Variants in EPB41L2 observed in about 807,000 individuals in gnomAD.
The protein encoded by EPB41L2 is band 4.1-like protein 2.
In EPB41L2, 43 loss-of-function variants were observed where a neutral mutation model predicts 113.0. That is an observed-to-expected ratio of 0.38 (90% CI 0.30 to 0.49). EPB41L2 has a LOEUF of 0.49. EPB41L2 is among the 20% of genes least tolerant of loss of function. The pLI is 0.95. For synonymous variants in EPB41L2, 442 were observed against 436.7 expected (o/e 1.01, Z -0.15); for missense variants, 1,147 against 1,223.4 (o/e 0.94, Z 0.93).
chr6:130,895,195 C>G lies in EPB41L2; in HGVS notation c.1237-76G>C, dbSNP rs117789356. 5.2e-3 allele frequency: 7,605 copies of G among 1,469,318 alleles called. 33 individuals carry two copies. Among genetic ancestry groups the G allele is most frequent in the Non-Finnish European group, 6.3e-3 (6,896 of 1,090,230 alleles). The allele number at this position is 1,469,318 out of a possible 1,614,324, so 91.0% of individuals were successfully genotyped here. A position where few individuals can be genotyped will look rare whatever the true frequency, so the allele number is the denominator to read the frequency against. On this transcript the variant is annotated intron_variant, in intron 8 of 19. Transcript: ENST00000337057. ...AAATCAAGAAGCTAATTAGCTCCCT[C>G]AAATCATGATCAGGAATGACAGTTT...
chr6:130,945,853 GT>G (rs1419486452), intron 3 of EPB41L2, among the ~76,000 whole-genome samples: 1 of 152,026 alleles, frequency 6.6e-6, no homozygotes, highest in Non-Finnish European at 1.5e-5. Flanking sequence ...GAGCTCTGCT[GT>G]TTTAACACAC....
At chr6:130,978,211 T>C (rs1219577529) in intron 1 of EPB41L2, among the ~76,000 whole-genome samples, 2 of 152,228 alleles carry the variant, frequency 1.3e-5, no homozygotes, top group Non-Finnish European at 2.9e-5. Context: ...TTGTATAAAG[T>C]TGAATGCTGC....
chr6:130,950,170 G>A (rs899467929), intron 3 of EPB41L2, among the ~76,000 whole-genome samples: 1 of 152,088 alleles, frequency 6.6e-6, no homozygotes, highest in South Asian at 2.1e-4. Context: ...TTAGAGCTAT[G>A]AAAGCAATGT....
rs3822859 is a variant in EPB41L2 at position 130,885,569 on chromosome 6, A to T, written c.1661-301T>A. Among the ~76,000 whole-genome samples, 3,011 of 152,292 alleles carry T rather than the reference A, an allele frequency of 0.02. 195 individuals are homozygous for T. The East Asian group carries it at 0.26, about 13-fold the overall frequency. ...GTAGGAGGAGCTCTAAGACCAGCTG[A>T]AACACCAGAGTTAAGGCAAACAGAA... On this transcript the variant is annotated intron_variant, in intron 11 of 19. Coordinates refer to ENST00000337057, the MANE Select transcript of EPB41L2 (RefSeq NM_001431.4).
At position 130,863,743 on chromosome 6, in the gene EPB41L2, A is replaced by G. The variant is rs201642409; in HGVS notation, c.2830-25T>C. Reference sequence around the variant, plus strand: ...TCTAAAGGTCATAAAGGAGAAGAAGAAAAAACAGCAATCACTGAAGCACGT... The same window carrying G: ...TCTAAAGGTCATAAAGGAGAAGAAGGAAAAACAGCAATCACTGAAGCACGT... On this transcript the variant is annotated intron_variant, in intron 17 of 19. Coordinates refer to ENST00000337057, the MANE Select transcript of EPB41L2 (RefSeq NM_001431.4). 1.3e-4 allele frequency: 195 copies of G among 1,540,808 alleles called. No homozygotes were observed. In the East Asian group the frequency reaches 3.6e-3, roughly 28 times the overall value.
chr6:130,956,985 A>G (rs751721702), intron 1 of EPB41L2, among the ~76,000 whole-genome samples: 8 of 152,214 alleles, frequency 5.3e-5, no homozygotes, highest in Non-Finnish European at 1.2e-4. Context: ...TCAAAATGTT[A>G]GGTATTAGAA....
chr6:131,014,291 G>T (rs1360869856), intron 1 of EPB41L2: 3 of 152,160 alleles, frequency 2.0e-5, no homozygotes, highest in Non-Finnish European at 4.4e-5. Flanking sequence ...TTATGCAACA[G>T]CTATAACGTA....
At chr6:131,020,463 A>G (rs1278394570) in intron 1 of EPB41L2, among the ~76,000 whole-genome samples, 1 of 152,158 alleles carries the variant, frequency 6.6e-6, no homozygotes, top group Non-Finnish European at 1.5e-5. Context: ...AATCATCTGC[A>G]AGTCTACCTT....
chr6:130,953,654 C>T (rs573300523), intron 3 of EPB41L2, among the ~76,000 whole-genome samples: 4 of 151,184 alleles, frequency 2.6e-5, no homozygotes, highest in African/African-American at 7.3e-5. Flanking sequence ...TACCCTAGAA[C>T]TTAAAGTATT....
chr6:130,863,543 G>A (rs565660963), intron 18 of EPB41L2, 95 bp downstream of exon 18: 26 of 829,290 alleles, frequency 3.1e-5, no homozygotes, highest in East Asian at 7.6e-5. Flanking sequence ...GAGGTTTGGG[G>A]AGAAGAGGTT....
chr6:130,845,272 T>G (rs993841015), intron 19 of EPB41L2, among the ~76,000 whole-genome samples: 51 of 152,352 alleles, frequency 3.3e-4, no homozygotes, highest in African/African-American at 1.1e-3. Flanking sequence ...CTTTTCAGTG[T>G]GTTGGCATTT....
intron 11 of EPB41L2, among the ~76,000 whole-genome samples, chr6:130,887,527 G>T (rs918201660): frequency 6.6e-6 from 1 of 152,058 alleles, no homozygotes; most frequent in Non-Finnish European, 1.5e-5. Context: ...GGCCTCCAAG[G>T]CCCTGCATGA....
At chr6:131,025,653 T>C (rs1353802734) in intron 1 of EPB41L2, among the ~76,000 whole-genome samples, 8 of 152,206 alleles carry the variant, frequency 5.3e-5, no homozygotes, top group Non-Finnish European at 7.3e-5. Flanking sequence ...TTAAAACACA[T>C]TTGTCCTCAT....
chr6:130,869,150 T>C (rs1240044589), intron 15 of EPB41L2, among the ~76,000 whole-genome samples: 1 of 151,720 alleles, frequency 6.6e-6, no homozygotes, highest in African/African-American at 2.4e-5. Flanking sequence ...GCACACACAC[T>C]CAGCAGTGAC....
chr6:130,846,662 C>G (rs1777130676), intron 19 of EPB41L2, among the ~76,000 whole-genome samples: 1 of 152,188 alleles, frequency 6.6e-6, no homozygotes, highest in South Asian at 2.1e-4. Context: ...TTAGGAGGCT[C>G]TTCTGTGGGT....
At chr6:131,044,019 CTT>C (rs35350923) in intron 1 of EPB41L2, among the ~76,000 whole-genome samples, 6,066 of 103,134 alleles carry the variant, frequency 0.059, 154 homozygotes, top group African/African-American at 0.14. Flanking sequence ...CTAAATAATG[CTT>C]TTTTTTTTTT....
At chr6:130,895,655 T>C (rs1333619350) in intron 8 of EPB41L2, among the ~76,000 whole-genome samples, 1 of 152,234 alleles carries the variant, frequency 6.6e-6, no homozygotes, top group Non-Finnish European at 1.5e-5. Context: ...AGGCTGACAG[T>C]GCTGAAATCT....
intron 17 of EPB41L2, among the ~76,000 whole-genome samples, chr6:130,864,646 C>G (rs780133008): frequency 6.6e-6 from 1 of 152,226 alleles, no homozygotes; most frequent in Non-Finnish European, 1.5e-5. Flanking sequence ...AATGTACACT[C>G]TCAGTCACAA....
intron 4 of EPB41L2, among the ~76,000 whole-genome samples, chr6:130,920,572 T>C (rs1255210292): frequency 6.6e-6 from 1 of 152,170 alleles, no homozygotes; most frequent in Non-Finnish European, 1.5e-5. Flanking sequence ...CACAGCTCAT[T>C]GCTGCCTTGA....
Sources: allele counts gnomAD v4.1 joint callset (sites outside exome capture counted in the v4.1 genomes callset), GRCh38; gene constraint gnomAD v4.1.1; transcripts MANE v1.5; gene names NCBI Gene and HGNC (gene_info 2026-07-23, HGNC 2026-07-21).